CACNA1S: variants seen among roughly 807,000 people sequenced by gnomAD.
CACNA1S encodes calcium voltage-gated channel subunit alpha1 S.
CACNA1S carries 126 observed loss-of-function variants against 207.4 expected under a neutral mutation model. That is an observed-to-expected ratio of 0.61 (90% confidence interval 0.53 to 0.70). CACNA1S has a LOEUF of 0.70. CACNA1S is among the 30% of genes least tolerant of loss of function. The probability of loss-of-function intolerance (pLI) is 0.00; values close to 1 mark genes in which losing one functional copy is unlikely to be tolerated. For missense variants in CACNA1S, 2,349 were observed against 2,422.8 expected (o/e 0.97, Z 0.64); for synonymous variants, 960 against 932.7 (o/e 1.03, Z -0.53).
Position 201,052,622 on chromosome 1 carries a change from A to G in CACNA1S, c.3888T>C (p.Asp1296=), listed in dbSNP as rs769128110. 6.2e-6 allele frequency: 10 copies of G among 1,613,952 alleles called. No individual in the cohort carries two copies. The South Asian group carries it at 9.9e-5, about 16-fold the overall frequency. The change falls in exon 32 of 44, where the codon GAT becomes GAC. Residue 1296 remains aspartate (D), a synonymous_variant. Transcript: ENST00000362061. ...MQMFGKIALV[D]GTQINRNNNF... is the part of the protein sequence containing the mutation. ...TGTTGTTCCGGTTTATTTGGGTCCC[A>G]TCCACCAAGGCGATCTTCCCAAACA...
Position 201,089,354 on chromosome 1 carries a change from G to A in CACNA1S, c.804C>T (p.Pro268=). 6.2e-7 allele frequency: 1 copy of A among 1,614,262 alleles called. No individual in the cohort carries two copies. The highest frequency in any genetic ancestry group is 1.1e-5 in the South Asian group (1 of 91,088). The change falls in exon 6 of 44, where the codon CCC becomes CCT. Residue 268 remains proline, a synonymous_variant. Coordinates refer to ENST00000362061, the MANE Select transcript of CACNA1S (RefSeq NM_000069.3). ...TGTCGAAGTGGGTGATGCCATGGTT[G>A]GGCCCTGGCCAGCCGCCCCGGCACT... ...GSECRGGWPG[P]NHGITHFDNF... is the part of the protein sequence containing the mutation.
At chr1:201,047,292 G>T (rs556596064) in intron 37 of CACNA1S, 53 bp from the exon 38 acceptor site, 1 of 1,612,270 alleles carries the variant, frequency 6.2e-7, no homozygotes, top group East Asian at 2.2e-5. Flanking sequence ...ATCTGACACT[G>T]GATTCAGAGT....
At chr1:201,041,404 G>C (rs1177076628) in intron 41 of CACNA1S, 100 bp downstream of exon 41, 1 of 888,508 alleles carries the variant, frequency 1.1e-6, no homozygotes, top group African/African-American at 1.7e-5. Flanking sequence ...TCCCAAGCCA[G>C]CCCTCCCAGC....
chr1:201,087,828 A>G lies in CACNA1S; in HGVS notation c.1002T>C (p.Ser334=). The G allele has an allele frequency of 6.2e-7, 1 of 1,603,612 alleles. No homozygotes were observed. Among genetic ancestry groups the G allele is most frequent in the Non-Finnish European group, 8.5e-7 (1 of 1,174,148 alleles). The change falls in exon 7 of 44, where the codon AGT becomes AGC. Residue 334 remains serine (S), a splice_region_variant and synonymous_variant. Coordinates refer to ENST00000362061, the MANE Select transcript of CACNA1S (RefSeq NM_000069.3). ...CTGGCTACCTTTGAATTTCTTACCCACTCAGGACACCCAGCACCAGGTTGA... is the reference window on the plus strand; with the variant it reads ...CTGGCTACCTTTGAATTTCTTACCCGCTCAGGACACCCAGCACCAGGTTGA... ...FILNLVLGVL[S]GEFTKEREKA...
chr1:201,107,730 C>T (rs1662950242), intron 2 of CACNA1S, among the ~76,000 whole-genome samples: 1 of 152,190 alleles, frequency 6.6e-6, no homozygotes, highest in Admixed American at 6.5e-5. Flanking sequence ...TCTGACTCCT[C>T]TCATCTCCCT....
intron 18 of CACNA1S, 126 bp downstream of exon 18, chr1:201,069,346 G>A: frequency 3.4e-6 from 5 of 1,474,122 alleles, no homozygotes; most frequent in Admixed American, 1.9e-5. Context: ...TCCTATCCCT[G>A]AGGAACTGAA....
intron 5 of CACNA1S, 46 bp from the exon 6 acceptor site, chr1:201,089,509 G>A: frequency 6.4e-7 from 1 of 1,573,686 alleles, no homozygotes; most frequent in Non-Finnish European, 8.7e-7. Flanking sequence ...GTAGTAGGTG[G>A]ACAACGACAG....
intron 24 of CACNA1S, 98 bp downstream of exon 24, chr1:201,061,846 G>T: frequency 7.2e-7 from 1 of 1,384,750 alleles, no homozygotes; most frequent in Non-Finnish European, 1.0e-6. Flanking sequence ...GCCTGCCACA[G>T]GTAGCAGTAG....
chr1:201,041,465 A>G, intron 41 of CACNA1S, 39 bp downstream of exon 41: 1 of 1,510,198 alleles, frequency 6.6e-7, no homozygotes, highest in African/African-American at 1.4e-5. Flanking sequence ...CTCCTCTGGG[A>G]GAAGACTCAA....
rs1210958121 is a variant in CACNA1S, at chr1:201,058,352, T to C, written c.3609+56A>G. ...TGGGCACCCCACAAATATCTGTGGATTGAACACATGCTCTTGGGCCCACCC... is the reference window on the plus strand; with the variant it reads ...TGGGCACCCCACAAATATCTGTGGACTGAACACATGCTCTTGGGCCCACCC... On this transcript the variant is annotated intron_variant, in intron 28 of 43. Coordinates refer to ENST00000362061, the MANE Select transcript of CACNA1S (RefSeq NM_000069.3). 10 of 1,443,924 alleles carry C rather than the reference T, an allele frequency of 6.9e-6. No individual in the cohort carries two copies. The African/African-American group carries it at 1.4e-4, about 20-fold the overall frequency. 89.4% of individuals were successfully genotyped at this position (1,443,924 alleles called of 1,614,324 possible).
Position 201,072,055 on chromosome 1 carries a change from C to T in CACNA1S, c.2227+700G>A, listed in dbSNP as rs529624885. On this transcript the variant is annotated intron_variant, in intron 16 of 43. Coordinates refer to ENST00000362061, the MANE Select transcript of CACNA1S (RefSeq NM_000069.3). ...GACAAGTAGATCTAAAATTGCCCCA[C>T]TGACCCGGTGATCCGAAGGACCCAG... 3.0e-4 allele frequency among the ~76,000 whole-genome samples: 46 copies of T among 152,294 alleles called. 1 individual carries two copies. The highest frequency in any genetic ancestry group is 1.0e-3 in the African/African-American group (43 of 41,556).
intron 9 of CACNA1S, among the ~76,000 whole-genome samples, chr1:201,083,870 C>A (rs144660956): frequency 2.5e-4 from 38 of 152,326 alleles, no homozygotes; most frequent in African/African-American, 7.9e-4. Context: ...CCTCCCACCT[C>A]AGACTTCCGA....
intron 2 of CACNA1S, among the ~76,000 whole-genome samples, chr1:201,104,299 C>T (rs922328229): frequency 6.6e-6 from 1 of 152,194 alleles, no homozygotes; most frequent in Admixed American, 6.5e-5. Flanking sequence ...GCCCCTGCCC[C>T]TCCCCCTCAC....
At chr1:201,069,257 A>C (rs1661364167) in intron 18 of CACNA1S, 61 bp from the exon 19 acceptor site, 5 of 1,513,516 alleles carry the variant, frequency 3.3e-6, no homozygotes, top group Non-Finnish European at 3.7e-6. Flanking sequence ...CAGTATCAGC[A>C]GCAGCAGCAG....
Position 201,098,705 on chromosome 1 carries a change from C to T in CACNA1S, c.259-4684G>A, listed in dbSNP as rs574484892. On this transcript the variant is annotated intron_variant, in intron 2 of 43. Transcript: ENST00000362061. ...TGCATTCCTAAGAAGAGACACTGGA[C>T]CTCAGGCTCTGACCCCAGAGCAGGA... 1.6e-4 allele frequency among the ~76,000 whole-genome samples: 25 copies of T among 152,312 alleles called. No homozygotes were observed. The Middle Eastern group carries it at 0.01, about 62-fold the overall frequency.
chr1:201,085,678 T>C, intron 7 of CACNA1S, 97 bp from the exon 8 acceptor site: 1 of 1,439,546 alleles, frequency 6.9e-7, no homozygotes. Flanking sequence ...ATTCTGTGAC[T>C]GGAGCGCTCC....
chr1:201,098,945 A>T (rs189089785), intron 2 of CACNA1S, among the ~76,000 whole-genome samples: 1 of 151,992 alleles, frequency 6.6e-6, no homozygotes, highest in Admixed American at 6.5e-5. Flanking sequence ...GTGGTGTGTG[A>T]CCCCTGATGC....
At chr1:201,068,644 G>A (rs1012034773) in intron 19 of CACNA1S, among the ~76,000 whole-genome samples, 5 of 151,812 alleles carry the variant, frequency 3.3e-5, no homozygotes, top group African/African-American at 7.2e-5. Flanking sequence ...AGGCTGAGGT[G>A]GGCGGATCAC....
In CACNA1S at chr1:201,061,430, A is replaced by T; in HGVS notation, c.3092T>A (p.Val1031Glu). 1 of 1,614,118 alleles carries T rather than the reference A, an allele frequency of 6.2e-7. No individual in the cohort carries two copies. The highest frequency in any genetic ancestry group is 2.2e-5 in the East Asian group (1 of 44,896). ...CACACGGTTGTTGTAGATGGGACCC[A>T]CGTCCTCCGCATTGGAGTCTATGGC... ...YKAIDSNAED[V>E]GPIYNNRVEM... The change falls in exon 25 of 44, where the codon GTG (valine) becomes GAG (glutamate). Residue 1031 changes from valine to glutamate, a missense_variant. Physicochemically the swap from Val to Glu is moderately radical, Grantham distance 121 (BLOSUM62 -2). Transcript: ENST00000362061.
Sources: allele counts gnomAD v4.1 joint callset (sites outside exome capture counted in the v4.1 genomes callset), GRCh38; gene constraint gnomAD v4.1.1; transcripts MANE v1.5; gene names NCBI Gene and HGNC (gene_info 2026-07-23, HGNC 2026-07-21).